KRTCAP2: variants seen among roughly 807,000 people sequenced by gnomAD.
KRTCAP2 encodes the protein keratinocyte associated protein 2.
KRTCAP2 carries 10 observed loss-of-function variants against 16.5 expected under a neutral mutation model. That is an observed-to-expected ratio of 0.60 (90% CI 0.37 to 1.02). KRTCAP2 has a LOEUF of 1.02. Ranked by LOEUF, KRTCAP2 falls within the 50% of genes least tolerant of loss-of-function variation. The probability of loss-of-function intolerance (pLI) is 0.01; values close to 1 mark genes in which losing one functional copy is unlikely to be tolerated. For synonymous variants in KRTCAP2, 68 were observed against 69.8 expected (o/e 0.97, Z 0.13); for missense variants, 152 against 159.6 (o/e 0.95, Z 0.26).
In KRTCAP2 at chr1:155,169,500, C is replaced by T; in HGVS notation, c.351G>A (p.Gln117=). 1.2e-6 allele frequency: 2 copies of T among 1,614,116 alleles called. No homozygotes were observed. Among genetic ancestry groups the T allele is most frequent in the Non-Finnish European group, 1.7e-6 (2 of 1,179,978 alleles). ...YINKISSTLY[Q]AAAPVLTPAK... is the part of the protein sequence containing the mutation. ...CTGGTGTGAGGACTGGAGCTGCTGCCTGGTACAGGGTGGAGGAGATCTTGT... is the reference window on the plus strand; with the variant it reads ...CTGGTGTGAGGACTGGAGCTGCTGCTTGGTACAGGGTGGAGGAGATCTTGT... The change falls in exon 5 of 5, where the codon CAG becomes CAA. Residue 117 remains glutamine, a synonymous_variant. Coordinates refer to ENST00000295682, the MANE Select transcript of KRTCAP2 (RefSeq NM_173852.4).
intron 4 of KRTCAP2, 41 bp from the exon 5 acceptor site, chr1:155,169,601 T>TCC: frequency 6.2e-7 from 1 of 1,604,168 alleles, no homozygotes; most frequent in Admixed American, 1.7e-5. Context: ...CCAGTGGGCA[T>TCC]CTGCCAGCCT....
intron 3 of KRTCAP2, 23 bp from the exon 4 acceptor site, chr1:155,169,880 G>C: frequency 6.6e-7 from 1 of 1,515,450 alleles, no homozygotes; most frequent in Non-Finnish European, 9.0e-7. Flanking sequence ...GAAGAACAAG[G>C]AGGGCAACGG....
Sources: allele counts gnomAD v4.1 joint callset, GRCh38; gene constraint gnomAD v4.1.1; transcripts MANE v1.5; gene names NCBI Gene and HGNC (gene_info 2026-07-23, HGNC 2026-07-21).